Variants in SKIC8 observed in about 807,000 individuals in gnomAD.
SKIC8 encodes the protein SKI8 subunit of superkiller complex.
the SKIC8 span, chr15:78,295,732 AAAC>A: frequency 2.6e-6 from 4 of 1,517,470 alleles, no homozygotes; most frequent in Non-Finnish European, 3.5e-6. Flanking sequence ...AGCTCTGTGG[AAAC>A]AACACCAGGA....
At chr15:78,289,502 G>C in the SKIC8 span, 1 of 763,832 alleles carries the variant, frequency 1.3e-6, no homozygotes, top group Admixed American at 2.5e-5. Context: ...TTCCAATTGA[G>C]ATTGATATTT....
chr15:78,290,142 T>G, the SKIC8 span: 1 of 1,560,478 alleles, frequency 6.4e-7, no homozygotes, highest in Non-Finnish European at 8.6e-7. Context: ...GTGAAAAGAC[T>G]TGGCCTTAAT....
chr15:78,295,714 G>A, the SKIC8 span: 1 of 1,540,766 alleles, frequency 6.5e-7, no homozygotes, highest in African/African-American at 1.4e-5. Flanking sequence ...AAGGACAAAA[G>A]GCCAGACAGC....
chr15:78,292,990 T>A, the SKIC8 span: 2 of 834,666 alleles, frequency 2.4e-6, no homozygotes, highest in East Asian at 2.7e-5. Context: ...ACTTTAGGGC[T>A]TTAATACAGA....
At chr15:78,297,512 TTA>T in the SKIC8 span, among the ~76,000 whole-genome samples, 11 of 152,220 alleles carry the variant, frequency 7.2e-5, no homozygotes, top group Non-Finnish European at 1.6e-4. Context: ...TACTGACACA[TTA>T]TATATGTGAT....
chr15:78,293,058 TGCTTTCTTGCC>T, the SKIC8 span: 3 of 1,002,386 alleles, frequency 3.0e-6, no homozygotes, highest in Non-Finnish European at 4.5e-6. Context: ...ATATTGCTAT[TGCTTTCTTGCC>T]TAGAAAAAAG....
the SKIC8 span, chr15:78,285,398 T>C: frequency 2.0e-6 from 3 of 1,480,414 alleles, no homozygotes; most frequent in East Asian, 2.3e-5. Flanking sequence ...CGACCAAAAA[T>C]CCTTTGATGA....
chr15:78,298,046 T>C, the SKIC8 span, among the ~76,000 whole-genome samples: 1 of 152,154 alleles, frequency 6.6e-6, no homozygotes, highest in Non-Finnish European at 1.5e-5. Flanking sequence ...TTGGTAGTGT[T>C]TTATTCATTT....
the SKIC8 span, chr15:78,288,145 C>T: frequency 2.1e-5 from 15 of 725,092 alleles, no homozygotes; most frequent in Admixed American, 5.7e-5. Context: ...GGGCGCTGAA[C>T]GGGGGAGGAC....
At chr15:78,297,272 A>T in the SKIC8 span, among the ~76,000 whole-genome samples, 1 of 152,234 alleles carries the variant, frequency 6.6e-6, no homozygotes, top group Non-Finnish European at 1.5e-5. Context: ...ACAAGAAGGC[A>T]GTGTCACCTT....
At chr15:78,290,280 A>T in the SKIC8 span, among the ~76,000 whole-genome samples, 1 of 152,238 alleles carries the variant, frequency 6.6e-6, no homozygotes, top group South Asian at 2.1e-4. Flanking sequence ...AGGGTTTCTT[A>T]AATTTTTAAT....
At chr15:78,289,929 AC>A in the SKIC8 span, 2 of 1,610,100 alleles carry the variant, frequency 1.2e-6, no homozygotes, top group Non-Finnish European at 1.7e-6. Flanking sequence ...CAGAAGGAGA[AC>A]AGAGAGCAAT....
At chr15:78,293,289 T>C in the SKIC8 span, 1 of 1,610,858 alleles carries the variant, frequency 6.2e-7, no homozygotes, top group Non-Finnish European at 8.5e-7. Flanking sequence ...TGGAAAGTGC[T>C]TCATTTATAA....
the SKIC8 span, chr15:78,292,252 A>G: frequency 4.0e-6 from 1 of 251,514 alleles, no homozygotes; most frequent in Non-Finnish European, 7.9e-6. Flanking sequence ...TGCAAAATAC[A>G]GGTCAACGCC....
the SKIC8 span, chr15:78,289,935 A>T: frequency 9.9e-6 from 16 of 1,611,078 alleles, no homozygotes; most frequent in African/African-American, 1.3e-5. Context: ...GAGAACAGAG[A>T]GCAATGTTTC....
the SKIC8 span, chr15:78,294,855 C>T: frequency 6.6e-7 from 1 of 1,509,286 alleles, no homozygotes; most frequent in Non-Finnish European, 9.2e-7. Context: ...TACTTGAAAA[C>T]TGCATGTCTG....
the SKIC8 span, chr15:78,288,477 T>C: frequency 8.4e-7 from 1 of 1,193,188 alleles, no homozygotes; most frequent in South Asian, 1.3e-5. Context: ...TATGAGCCAC[T>C]GAGTTGAAAT....
chr15:78,297,197 C>A, the SKIC8 span, among the ~76,000 whole-genome samples: 1 of 152,146 alleles, frequency 6.6e-6, no homozygotes, highest in Non-Finnish European at 1.5e-5. Context: ...ACAAAAAGCA[C>A]AAAGATGAGA....
chr15:78,292,571 G>A, the SKIC8 span: 2 of 1,612,790 alleles, frequency 1.2e-6, no homozygotes, highest in Non-Finnish European at 1.7e-6. Flanking sequence ...TTTTGGAAAA[G>A]AAATCATGAA....
Sources: gnomAD v4.1 joint callset for allele counts (sites outside exome capture counted in the v4.1 genomes callset) on GRCh38, gnomAD v4.1.1 for gene constraint, MANE v1.5 for transcripts, NCBI Gene and HGNC (gene_info 2026-07-23, HGNC 2026-07-21) for gene names.